CCDC141: variants seen among roughly 807,000 people sequenced by gnomAD.
The protein encoded by CCDC141 is coiled-coil domain-containing protein 141.
A neutral mutation model predicts 181.0 loss-of-function variants in CCDC141; 168 were observed. The ratio of observed to expected loss-of-function variants is 0.93; its 90% CI spans 0.82 to 1.05. The LOEUF (loss-of-function observed/expected upper bound fraction) is 1.05. Ranked by LOEUF, CCDC141 falls within the 50% of genes least tolerant of loss-of-function variation. The pLI, the probability that CCDC141 is intolerant of heterozygous loss-of-function variation, is 0.00. For synonymous variants in CCDC141, 666 were observed against 642.3 expected, an observed-to-expected ratio of 1.04 and a Z score of -0.56; for missense variants, 1,902 against 1,788.5, an observed-to-expected ratio of 1.06 and a Z score of -1.14.
At chr2:178,944,435 A>C (rs1217110350) in intron 6 of CCDC141, 100 bp downstream of exon 6, 1 of 482,532 alleles carries the variant, frequency 2.1e-6, no homozygotes, top group East Asian at 3.3e-5. Flanking sequence ...GATTAATCAA[A>C]GACAGTTCTC....
chr2:178,896,377 C>T (rs566075569), intron 8 of CCDC141, among the ~76,000 whole-genome samples: 1 of 152,254 alleles, frequency 6.6e-6, no homozygotes, highest in African/African-American at 2.4e-5. Context: ...TGTGCAGCTC[C>T]CTGACTGGAC....
rs1288760004 is a variant in CCDC141 at position 178,906,308 on chromosome 2, C to T, written c.1093-807G>A. Among the ~76,000 whole-genome samples the T allele has an allele frequency of 2.0e-5, 3 of 152,184 alleles. No individual in the cohort carries two copies. In the East Asian group the frequency reaches 5.8e-4, roughly 29 times the overall value. ...GGAGTTAGCCACTGGGCCATTAAGGCTTAGCTGGTATTAAGATGGAGGAGT... is the reference window on the plus strand; with the variant it reads ...GGAGTTAGCCACTGGGCCATTAAGGTTTAGCTGGTATTAAGATGGAGGAGT... On this transcript the variant is annotated intron_variant, in intron 7 of 23. Transcript: ENST00000443758.
chr2:178,962,587 C>T (rs540570892), intron 4 of CCDC141, among the ~76,000 whole-genome samples: 51 of 151,848 alleles, frequency 3.4e-4, no homozygotes, highest in African/African-American at 1.2e-3. Context: ...TCTTTCCCTC[C>T]CCTTCTTTCT....
intron 5 of CCDC141, among the ~76,000 whole-genome samples, chr2:178,960,535 C>A (rs956022098): frequency 2.1e-4 from 32 of 152,290 alleles, no homozygotes; most frequent in African/African-American, 7.7e-4. Context: ...GGAATTAAGA[C>A]AATCAGAATT....
chr2:178,923,370 C>T (rs945569169), intron 6 of CCDC141, among the ~76,000 whole-genome samples: 5 of 152,108 alleles, frequency 3.3e-5, no homozygotes, highest in African/African-American at 4.8e-5. Flanking sequence ...TCCCAAAGTG[C>T]TGGGATTACA....
At chr2:178,906,095 A>G (rs1687955782) in intron 7 of CCDC141, among the ~76,000 whole-genome samples, 1 of 149,850 alleles carries the variant, frequency 6.7e-6, no homozygotes, top group South Asian at 2.1e-4. Context: ...AGCCATGCAA[A>G]GAGTAAGACC....
chr2:178,863,496 G>A (rs1329649367), intron 17 of CCDC141, among the ~76,000 whole-genome samples: 1 of 152,162 alleles, frequency 6.6e-6, no homozygotes, highest in African/African-American at 2.4e-5. Flanking sequence ...GACTAATAAT[G>A]ATAACAACGA....
intron 2 of CCDC141, among the ~76,000 whole-genome samples, chr2:179,008,363 A>C (rs78018035): frequency 0.01 from 1,547 of 152,278 alleles, 19 homozygotes; most frequent in African/African-American, 0.036. Context: ...CAGCTTCAGC[A>C]AGGCAGGCTA....
At chr2:178,949,408 T>G (rs1182966929) in intron 5 of CCDC141, among the ~76,000 whole-genome samples, 1 of 152,174 alleles carries the variant, frequency 6.6e-6, no homozygotes, top group Non-Finnish European at 1.5e-5. Context: ...TTCAATAATT[T>G]GCCTAATTTC....
intron 2 of CCDC141, among the ~76,000 whole-genome samples, chr2:179,028,525 A>G (rs1013954381): frequency 3.3e-5 from 5 of 152,164 alleles, no homozygotes; most frequent in Admixed American, 2.6e-4. Context: ...TATGTCAGTG[A>G]CCTCCAATCT....
At chr2:178,990,876 T>C (rs1041507703) in intron 2 of CCDC141, among the ~76,000 whole-genome samples, 13 of 152,026 alleles carry the variant, frequency 8.6e-5, no homozygotes, top group African/African-American at 3.1e-4. Flanking sequence ...TGGATCTAGA[T>C]AGAGGTGATG....
chr2:178,856,190 A>G, intron 18 of CCDC141, 67 bp downstream of exon 18: 2 of 1,362,910 alleles, frequency 1.5e-6, no homozygotes, highest in South Asian at 4.1e-5. Context: ...ATTCAAAACA[A>G]TTTTGCAATA....
In CCDC141 at chr2:178,990,069, G is replaced by T. The variant is rs191490971; in HGVS notation, c.226-11394C>A. On this transcript the variant is annotated intron_variant, in intron 2 of 23. Coordinates refer to ENST00000443758, the MANE Select transcript of CCDC141 (RefSeq NM_173648.4). ...CAGGAGAATCACTTGAACCTGGGAGGCAAAGGTTATAGTGAGCTGAGATTG... is the reference window on the plus strand; with the variant it reads ...CAGGAGAATCACTTGAACCTGGGAGTCAAAGGTTATAGTGAGCTGAGATTG... Among the ~76,000 whole-genome samples, 318 of 150,220 alleles carry T rather than the reference G, an allele frequency of 2.1e-3. 1 individual carries two copies. Among genetic ancestry groups the T allele is most frequent in the African/African-American group, 7.5e-3 (305 of 40,772 alleles).
chr2:178,864,505 G>T (rs896226877), intron 17 of CCDC141, among the ~76,000 whole-genome samples: 7 of 152,144 alleles, frequency 4.6e-5, no homozygotes, highest in African/African-American at 1.4e-4. Flanking sequence ...GTAACTCCCT[G>T]GAACACAAAT....
At chr2:178,982,743 C>A (rs940314768) in intron 2 of CCDC141, among the ~76,000 whole-genome samples, 5 of 152,184 alleles carry the variant, frequency 3.3e-5, no homozygotes, top group Non-Finnish European at 7.3e-5. Context: ...CACCCGAATA[C>A]TGAGCTTTTC....
chr2:179,048,897 T>C (rs1454905130), intron 1 of CCDC141, among the ~76,000 whole-genome samples: 1 of 152,168 alleles, frequency 6.6e-6, no homozygotes, highest in Non-Finnish European at 1.5e-5. Context: ...GCAATTAAGT[T>C]AAAGTAAACA....
rs1397070675 is a variant in CCDC141 at position 179,049,977 on chromosome 2, C to T, written c.-36G>A. 3 of 1,549,828 alleles carry T rather than the reference C, an allele frequency of 1.9e-6. No individual in the cohort carries two copies. The East Asian group carries it at 7.3e-5, about 38-fold the overall frequency. On this transcript the variant is annotated 5_prime_UTR_variant, in exon 1 of 24. Coordinates refer to ENST00000443758, the MANE Select transcript of CCDC141 (RefSeq NM_173648.4). The stretch of plus-strand genomic sequence containing the variant: ...AACCAGAGTTTATACTTTGGGCAGC[C>T]TCTGGACAGTTGTGTGTCTGCTGGT...
In CCDC141 at chr2:178,831,011, T is replaced by G. The variant is rs1320301534; in HGVS notation, c.*3162A>C. On this transcript the variant is annotated 3_prime_UTR_variant, in exon 24 of 24. Transcript: ENST00000443758. ...GGGTCTATGAACTACTTGAGGAAATTTAAATTTGAGCAAAGCAGTTAGAAG... is the reference window on the plus strand; with the variant it reads ...GGGTCTATGAACTACTTGAGGAAATGTAAATTTGAGCAAAGCAGTTAGAAG... 1.3e-5 allele frequency: 2 copies of G among 152,134 alleles called. No individual in the cohort carries two copies. The highest frequency in any genetic ancestry group is 6.5e-5 in the Admixed American group (1 of 15,268). The allele number at this position is 152,134 out of a possible 1,614,324, so 9.4% of individuals were successfully genotyped here. A position where few individuals can be genotyped will look rare whatever the true frequency, so the allele number is the denominator to read the frequency against.
At chr2:178,929,253 A>C (rs1433328575) in intron 6 of CCDC141, among the ~76,000 whole-genome samples, 1 of 152,196 alleles carries the variant, frequency 6.6e-6, no homozygotes, top group Non-Finnish European at 1.5e-5. Flanking sequence ...AATATATTTT[A>C]TAGTGATTTT....
Sources: gnomAD v4.1 joint callset for allele counts (sites outside exome capture counted in the v4.1 genomes callset) on GRCh38, gnomAD v4.1.1 for gene constraint, MANE v1.5 for transcripts, NCBI Gene and HGNC (gene_info 2026-07-23, HGNC 2026-07-21) for gene names.